Variants in CDKL3 observed in about 807,000 individuals in gnomAD.
The protein encoded by CDKL3 is cyclin-dependent kinase-like 3.
In CDKL3, 65 loss-of-function variants were observed where a neutral mutation model predicts 69.3. The ratio of observed to expected loss-of-function variants is 0.94; its 90% CI spans 0.77 to 1.15. CDKL3 has a LOEUF of 1.15. CDKL3 is among the 50% of genes most tolerant of loss of function. CDKL3 has a pLI of 0.00. For missense variants in CDKL3, 652 were observed against 689.2 expected (o/e 0.95, Z 0.61); for synonymous variants, 202 against 221.6 (o/e 0.91, Z 0.79).
chr5:134,285,706 G>A (rs553495968), downstream of CDKL3, among the ~76,000 whole-genome samples: 1 of 152,342 alleles, frequency 6.6e-6, no homozygotes, highest in African/African-American at 2.4e-5. Context: ...CAGAAAATGG[G>A]ATTTTATTAT....
At chr5:134,321,741 G>A (rs748969252) in intron 5 of CDKL3, 50 bp downstream of exon 5, 1 of 965,830 alleles carries the variant, frequency 1.0e-6, no homozygotes, top group Non-Finnish European at 1.6e-6. Context: ...GAATTGATCT[G>A]GCAATATTTA....
intron 10 of CDKL3, among the ~76,000 whole-genome samples, chr5:134,306,222 C>T (rs1413375970): frequency 6.6e-6 from 1 of 152,046 alleles, no homozygotes; most frequent in African/African-American, 2.4e-5. Context: ...AGGCTGGGTG[C>T]GTTGGCTCAC....
chr5:134,371,023 G>A (rs1021083100), upstream of CDKL3: 3 of 167,846 alleles, frequency 1.8e-5, no homozygotes, highest in African/African-American at 7.2e-5. Flanking sequence ...ATCCAGGCGA[G>A]GCGCTCACGT....
chr5:134,288,923 A>G (rs942830765), intron 8 of CDKL3, among the ~76,000 whole-genome samples: 1 of 152,106 alleles, frequency 6.6e-6, no homozygotes, highest in Non-Finnish European at 1.5e-5. Flanking sequence ...TTAAATAAAA[A>G]TGGAATGTTT....
At chr5:134,348,771 A>G (rs1752543449) in intron 4 of CDKL3, among the ~76,000 whole-genome samples, 1 of 150,972 alleles carries the variant, frequency 6.6e-6, no homozygotes, top group South Asian at 2.1e-4. Context: ...CATTATGTCC[A>G]GAGGCAAAAA....
At chr5:134,366,227 G>A in intron 2 of CDKL3, 132 bp downstream of exon 2, 1 of 623,198 alleles carries the variant, frequency 1.6e-6, no homozygotes, top group Non-Finnish European at 2.6e-6. Context: ...ACAAAATGTA[G>A]ATAAGATAGA....
chr5:134,358,722 G>C (rs1483873945), intron 3 of CDKL3, among the ~76,000 whole-genome samples: 1 of 151,796 alleles, frequency 6.6e-6, no homozygotes, highest in Admixed American at 6.6e-5. Context: ...CTCCTACCTC[G>C]GCCTCACAAG....
chr5:134,298,399 C>T, downstream of CDKL3: 1 of 1,274,098 alleles, frequency 7.8e-7, no homozygotes, highest in Non-Finnish European at 9.9e-7. Flanking sequence ...GTTATCCACT[C>T]AGTAATCATG....
intron 4 of CDKL3, among the ~76,000 whole-genome samples, chr5:134,331,385 C>G (rs1487635841): frequency 6.6e-6 from 1 of 151,748 alleles, no homozygotes; most frequent in Non-Finnish European, 1.5e-5. Flanking sequence ...ATATGTGTGC[C>G]ATGTTGGTTT....
At chr5:134,365,724 T>C (rs1757244896) in intron 2 of CDKL3, among the ~76,000 whole-genome samples, 1 of 152,220 alleles carries the variant, frequency 6.6e-6, no homozygotes, top group Admixed American at 6.5e-5. Context: ...AATATACCTC[T>C]TTCCAATTCT....
rs1768355805 is a variant in CDKL3 at position 134,308,031 on chromosome 5, A to G, written c.1364+107T>C. 4.2e-6 allele frequency: 6 copies of G among 1,434,572 alleles called. No homozygotes were observed. In the Admixed American group the frequency reaches 8.3e-5, roughly 20 times the overall value. 88.9% of individuals were successfully genotyped at this position (1,434,572 alleles called of 1,614,324 possible). ...CATTATACAGCTTTAATTTCAATATATTTTCTTCAAGTTCAGTTTACATAC... is the reference window on the plus strand; with the variant it reads ...CATTATACAGCTTTAATTTCAATATGTTTTCTTCAAGTTCAGTTTACATAC... On this transcript the variant is annotated intron_variant, in intron 9 of 12. Coordinates refer to ENST00000265334, the MANE Select transcript of CDKL3 (RefSeq NM_001113575.2).
At chr5:134,319,949 T>C (rs1772285889) in intron 5 of CDKL3, among the ~76,000 whole-genome samples, 1 of 152,204 alleles carries the variant, frequency 6.6e-6, no homozygotes, top group African/African-American at 2.4e-5. Context: ...TAGAGAGTAG[T>C]AGCAGAATGG....
downstream of CDKL3, among the ~76,000 whole-genome samples, chr5:134,296,046 A>G (rs1765332819): frequency 6.6e-6 from 1 of 151,984 alleles, no homozygotes; most frequent in Admixed American, 6.6e-5. Context: ...ACAGGTGCCC[A>G]CCACCACACC....
chr5:134,322,244 C>T (rs1772988168), intron 4 of CDKL3, among the ~76,000 whole-genome samples: 1 of 152,158 alleles, frequency 6.6e-6, no homozygotes, highest in South Asian at 2.1e-4. Context: ...AAACTCCTGA[C>T]CTCGTGATCT....
At chr5:134,296,832 G>C (rs1765378338), downstream of CDKL3, among the ~76,000 whole-genome samples, 1 of 149,348 alleles carries the variant, frequency 6.7e-6, no homozygotes, top group Non-Finnish European at 1.5e-5. Flanking sequence ...CACACACACG[G>C]ATCTCTATTC....
intron 4 of CDKL3, among the ~76,000 whole-genome samples, chr5:134,330,374 T>C (rs772548293): frequency 6.6e-6 from 1 of 152,212 alleles, no homozygotes; most frequent in Non-Finnish European, 1.5e-5. Flanking sequence ...ATGGTGGAGA[T>C]GGACACTCTG....
At chr5:134,327,405 A>G (rs1246315658) in intron 4 of CDKL3, among the ~76,000 whole-genome samples, 1 of 152,208 alleles carries the variant, frequency 6.6e-6, no homozygotes, top group African/African-American at 2.4e-5. Context: ...ACCCAGATCC[A>G]GAAACTGGGC....
rs140191664 is a variant in CDKL3, at chr5:134,367,077, T to C, written c.-122A>G. 1.9e-5 allele frequency: 19 copies of C among 986,892 alleles called. No homozygotes were observed. The highest frequency in any genetic ancestry group is 5.2e-4 in the Middle Eastern group (1 of 1,918). 61.1% of individuals were successfully genotyped at this position (986,892 alleles called of 1,614,324 possible). Reference sequence around the variant, plus strand: ...CTGGTCTGGCTCTGCGTAGTTCCAGTGGAGCCACCGAACACTGATACTACT... The same window carrying C: ...CTGGTCTGGCTCTGCGTAGTTCCAGCGGAGCCACCGAACACTGATACTACT... On this transcript the variant is annotated 5_prime_UTR_variant, in exon 1 of 13. Transcript: ENST00000265334.
intron 4 of CDKL3, among the ~76,000 whole-genome samples, chr5:134,336,374 G>T (rs1398605271): frequency 1.3e-5 from 2 of 152,146 alleles, no homozygotes; most frequent in East Asian, 3.9e-4. Flanking sequence ...TTGCTGGTGA[G>T]GAGTTGTGTT....
Sources: gnomAD v4.1 joint callset for allele counts (sites outside exome capture counted in the v4.1 genomes callset) on GRCh38, gnomAD v4.1.1 for gene constraint, MANE v1.5 for transcripts, NCBI Gene and HGNC (gene_info 2026-07-23, HGNC 2026-07-21) for gene names.